Variants in CDKL5 observed in about 807,000 individuals in gnomAD.
CDKL5 encodes the protein cyclin-dependent kinase-like 5.
In CDKL5, 8 loss-of-function variants were observed where a neutral mutation model predicts 61.7. The ratio of observed to expected loss-of-function variants is 0.13; its 90% CI spans 0.08 to 0.23. CDKL5 has a LOEUF of 0.23. Among genes scored for constraint, CDKL5 ranks in the 10% least tolerant of loss-of-function variants. The probability of loss-of-function intolerance (pLI) is 1.00; values close to 1 mark genes in which losing one functional copy is unlikely to be tolerated. For missense variants in CDKL5, 440 were observed against 734.5 expected, an observed-to-expected ratio of 0.60 and a Z score of 4.63; for synonymous variants, 275 against 272.3, an observed-to-expected ratio of 1.01 and a Z score of -0.10.
intron 12 of CDKL5, among the ~76,000 whole-genome samples, chrX:18,606,174 TCACACACACACACACACA>T (rs528800542): frequency 1.0e-5 from 1 of 96,872 alleles, no homozygotes; most frequent in African/African-American, 3.8e-5. Context: ...AGCAAGACTG[TCACACACACACACACACA>T]CACACACACA....
At chrX:18,539,546 G>A (rs1463097167) in intron 3 of CDKL5, among the ~76,000 whole-genome samples, 1 of 111,105 alleles carries the variant, frequency 9.0e-6, no homozygotes, top group South Asian at 3.8e-4. Flanking sequence ...ATATTTAATC[G>A]GATTCCATTG....
chrX:18,568,964 C>T (rs778280672), intron 4 of CDKL5, among the ~76,000 whole-genome samples: 8 of 111,296 alleles, frequency 7.2e-5, no homozygotes, highest in African/African-American at 1.6e-4. Context: ...CAAAATGCTG[C>T]GATTACAGGC....
At chrX:18,474,998 G>T (rs1431715910) in intron 1 of CDKL5, among the ~76,000 whole-genome samples, 1 of 102,603 alleles carries the variant, frequency 9.7e-6, no homozygotes, top group African/African-American at 3.6e-5. Context: ...TCACTCTGTT[G>T]CCCAGGCTGG....
chrX:18,520,644 T>C (rs1258747848), intron 3 of CDKL5, among the ~76,000 whole-genome samples: 2 of 112,025 alleles, frequency 1.8e-5, no homozygotes, highest in Non-Finnish European at 1.9e-5. Context: ...TTTGAAAAAT[T>C]GCTTAAACTG....
chrX:18,516,517 T>C (rs1266645101), intron 3 of CDKL5, among the ~76,000 whole-genome samples: 1 of 110,287 alleles, frequency 9.1e-6, no homozygotes, highest in East Asian at 2.8e-4. Flanking sequence ...TTTGCTAGAC[T>C]GTTGATACCG....
intron 1 of CDKL5, among the ~76,000 whole-genome samples, chrX:18,485,629 C>T (rs757463967): frequency 8.9e-6 from 1 of 112,040 alleles, no homozygotes; most frequent in South Asian, 3.7e-4. Context: ...TTAGTGGGTA[C>T]ATTTTGTATG....
intron 9 of CDKL5, among the ~76,000 whole-genome samples, chrX:18,590,971 C>T (rs903604669): frequency 9.0e-6 from 1 of 111,290 alleles, no homozygotes; most frequent in Non-Finnish European, 1.9e-5. Flanking sequence ...AGCACACTTG[C>T]CTTTTTTGTT....
chrX:18,572,344 A>G (rs1052099000), intron 4 of CDKL5, among the ~76,000 whole-genome samples: 1 of 112,235 alleles, frequency 8.9e-6, no homozygotes, highest in Admixed American at 9.4e-5. Flanking sequence ...TGAAACTGCC[A>G]CAAGTTGGTA....
At chrX:18,583,197 AG>A (rs1349465466) in intron 7 of CDKL5, among the ~76,000 whole-genome samples, 1 of 111,626 alleles carries the variant, frequency 9.0e-6, no homozygotes, top group Non-Finnish European at 1.9e-5. Context: ...TAGAATGGTT[AG>A]TAGTAGGAAG....
At chrX:18,439,057 G>A (rs5909476) in intron 1 of CDKL5, among the ~76,000 whole-genome samples, 24 of 15,355 alleles carry the variant, frequency 1.6e-3, no homozygotes, top group African/African-American at 6.5e-3. Flanking sequence ...CCCCCCCCCC[G>A]CCCCCCACCA....
intron 1 of CDKL5, among the ~76,000 whole-genome samples, chrX:18,464,191 TG>T (rs1432803231): frequency 9.0e-6 from 1 of 110,638 alleles, no homozygotes; most frequent in Non-Finnish European, 1.9e-5. Flanking sequence ...TTCTCATTTT[TG>T]TTTTTTTTTT....
chrX:18,607,063 T>A (rs938613153), intron 12 of CDKL5, among the ~76,000 whole-genome samples: 4 of 111,557 alleles, frequency 3.6e-5, no homozygotes, highest in Non-Finnish European at 5.7e-5. Context: ...GTTGGGTGAG[T>A]TGCTCCAAGT....
chrX:18,622,560 A>G (rs1926920002), intron 16 of CDKL5, among the ~76,000 whole-genome samples: 1 of 112,627 alleles, frequency 8.9e-6, no homozygotes, highest in South Asian at 3.6e-4. Flanking sequence ...GCTTCAAAAG[A>G]TTTAAGGCAT....
chrX:18,648,943 G>A (rs981329006), intron 20 of CDKL5, among the ~76,000 whole-genome samples: 85 of 108,550 alleles, frequency 7.8e-4, no homozygotes, highest in African/African-American at 2.7e-3. Flanking sequence ...AGCTACCGGG[G>A]AGGCTGAGGG....
intron 4 of CDKL5, among the ~76,000 whole-genome samples, chrX:18,569,444 T>A (rs1925069296): frequency 8.9e-6 from 1 of 112,114 alleles, no homozygotes; most frequent in African/African-American, 3.2e-5. Context: ...GATTATTTAG[T>A]TAAAAGGTAC....
intron 3 of CDKL5, 25 bp from the exon 4 acceptor site, chrX:18,564,452 T>C: frequency 8.7e-7 from 1 of 1,148,549 alleles, no homozygotes; most frequent in Non-Finnish European, 1.2e-6. Flanking sequence ...AGAATGACTT[T>C]CCTTCTGCTT....
chrX:18,582,381 G>A (rs1406049784), intron 7 of CDKL5, among the ~76,000 whole-genome samples: 1 of 111,400 alleles, frequency 9.0e-6, no homozygotes, highest in African/African-American at 3.3e-5. Flanking sequence ...CCCTCTAAAT[G>A]TTCAATGAAT....
At chrX:18,457,931 T>G (rs1209390397) in intron 1 of CDKL5, among the ~76,000 whole-genome samples, 2 of 88,871 alleles carry the variant, frequency 2.3e-5, no homozygotes, top group African/African-American at 8.5e-5. Flanking sequence ...TTTTTTTTTT[T>G]TTTTTTGAGA....
intron 20 of CDKL5, among the ~76,000 whole-genome samples, chrX:18,649,041 CAA>C (rs746581850): frequency 1.6e-4 from 8 of 50,799 alleles, no homozygotes; most frequent in Admixed American, 2.5e-4. Flanking sequence ...GACACTGTCT[CAA>C]AAAAAAAAAA....
Sources: allele counts gnomAD v4.1 joint callset (sites outside exome capture counted in the v4.1 genomes callset), GRCh38; gene constraint gnomAD v4.1.1; transcripts MANE v1.5; gene names NCBI Gene and HGNC (gene_info 2026-07-23, HGNC 2026-07-21).